Variants in SYT6 observed in about 807,000 individuals in gnomAD.
The protein encoded by SYT6 is synaptotagmin-6.
A neutral mutation model predicts 38.4 loss-of-function variants in SYT6; 24 were observed. The ratio of observed to expected loss-of-function variants is 0.62; its 90% CI spans 0.45 to 0.88. The LOEUF is 0.88. Among genes scored for constraint, SYT6 ranks in the 40% least tolerant of loss-of-function variants. The pLI is 0.00. For missense variants in SYT6, 611 were observed against 621.0 expected, an observed-to-expected ratio of 0.98 and a Z score of 0.17; for synonymous variants, 265 against 241.9, an observed-to-expected ratio of 1.10 and a Z score of -0.89.
At chr1:114,104,408 T>C (rs938768404) in intron 3 of SYT6, among the ~76,000 whole-genome samples, 3 of 152,182 alleles carry the variant, frequency 2.0e-5, no homozygotes, top group Admixed American at 6.5e-5. Flanking sequence ...CCCAGAATTG[T>C]CATGGCCAGG....
At chr1:114,134,744 C>A (rs1678376764) in intron 3 of SYT6, among the ~76,000 whole-genome samples, 1 of 152,164 alleles carries the variant, frequency 6.6e-6, no homozygotes, top group African/African-American at 2.4e-5. Context: ...CTGCCAGATT[C>A]CTGAGCTCAG....
chr1:114,121,974 T>C (rs145157554), intron 3 of SYT6, among the ~76,000 whole-genome samples: 30 of 152,242 alleles, frequency 2.0e-4, no homozygotes, highest in Non-Finnish European at 4.0e-4. Flanking sequence ...AGAGGTGAAG[T>C]GGTTTGACAG....
chr1:114,128,626 C>T (rs139426503), intron 3 of SYT6, among the ~76,000 whole-genome samples: 17 of 152,322 alleles, frequency 1.1e-4, no homozygotes, highest in African/African-American at 3.6e-4. Flanking sequence ...TGATAAGCTC[C>T]TTGATGCTGA....
rs1169118465 is a variant in SYT6 at position 114,137,700 on chromosome 1, G to T, written c.866C>A (p.Thr289Asn). The T allele has an allele frequency of 6.2e-7, 1 of 1,613,792 alleles. No individual in the cohort carries two copies. The highest frequency in any genetic ancestry group is 2.2e-5 in the East Asian group (1 of 44,900). The change falls in exon 3 of 8, where the codon ACC becomes AAC. Residue 289 changes from threonine to asparagine, a missense_variant. Physicochemically the swap from Thr to Asn is moderately conservative, Grantham distance 65 (BLOSUM62 0). Coordinates refer to ENST00000610222, the MANE Select transcript of SYT6 (RefSeq NM_001253772.2). The part of the protein sequence containing the change: ...CKLQTRVHRK[T>N]LNPTFDENFH... The stretch of plus-strand genomic sequence containing the variant: ...GTTCTCATCAAAGGTGGGGTTCAGG[G>T]TCTTGCGGTGCACCCGGGTCTGCAG...
chr1:114,108,605 C>A (rs1227976454), intron 3 of SYT6, among the ~76,000 whole-genome samples: 7 of 152,186 alleles, frequency 4.6e-5, no homozygotes, highest in Non-Finnish European at 1.0e-4. Flanking sequence ...CAGCCATCAC[C>A]AACTGAGACG....
intron 1 of SYT6, among the ~76,000 whole-genome samples, chr1:114,148,285 C>T (rs1399505215): frequency 6.6e-6 from 1 of 152,196 alleles, no homozygotes; most frequent in Non-Finnish European, 1.5e-5. Context: ...TCCCATTTTT[C>T]TAATGGGCTC....
intron 1 of SYT6, among the ~76,000 whole-genome samples, chr1:114,145,531 T>A (rs1250772460): frequency 6.7e-6 from 1 of 149,576 alleles, no homozygotes; most frequent in Non-Finnish European, 1.5e-5. Context: ...TTTTTTAACC[T>A]GTTATGAGTT....
chr1:114,101,993 G>A (rs1675994940), intron 4 of SYT6, among the ~76,000 whole-genome samples: 1 of 152,158 alleles, frequency 6.6e-6, no homozygotes, highest in African/African-American at 2.4e-5. Context: ...GGGCAATTGT[G>A]AAAGGGAGGT....
chr1:114,096,092 T>C (rs1683252), intron 6 of SYT6, among the ~76,000 whole-genome samples: 125,382 of 151,912 alleles, frequency 0.83, 52,428 homozygotes, highest in African/African-American at 0.96. Flanking sequence ...GGAAGATAAG[T>C]GGGGGAGGAG....
At chr1:114,105,641 T>C (rs555371283) in intron 3 of SYT6, among the ~76,000 whole-genome samples, 1 of 152,148 alleles carries the variant, frequency 6.6e-6, no homozygotes, top group South Asian at 2.1e-4. Flanking sequence ...TGAAGATCAC[T>C]TCCAGCTGTG....
intron 4 of SYT6, among the ~76,000 whole-genome samples, chr1:114,102,628 A>G (rs1676036624): frequency 6.6e-6 from 1 of 151,808 alleles, no homozygotes; most frequent in Non-Finnish European, 1.5e-5. Context: ...ATGAGGAAAA[A>G]TCTTTAATAT....
intron 1 of SYT6, among the ~76,000 whole-genome samples, chr1:114,150,315 C>G (rs1456286959): frequency 6.6e-6 from 1 of 152,202 alleles, no homozygotes; most frequent in East Asian, 1.9e-4. Flanking sequence ...TCTAAGGGCT[C>G]TACAACTCTT....
chr1:114,103,846 T>G, intron 3 of SYT6, 125 bp from the exon 4 acceptor site: 2 of 1,277,450 alleles, frequency 1.6e-6, no homozygotes, highest in Non-Finnish European at 1.1e-6. Flanking sequence ...TGCTGTGTTT[T>G]TAAGACTAAG....
intron 3 of SYT6, among the ~76,000 whole-genome samples, chr1:114,114,411 G>A (rs1676870195): frequency 6.6e-6 from 1 of 152,162 alleles, no homozygotes; most frequent in Admixed American, 6.5e-5. Flanking sequence ...AGCTTTGTGG[G>A]GCTCACCTGG....
Position 114,142,943 on chromosome 1 carries a change from T to C in SYT6, c.164-2980A>G, listed in dbSNP as rs188564291. Among the ~76,000 whole-genome samples the C allele has an allele frequency of 8.5e-5, 13 of 152,268 alleles. No individual in the cohort carries two copies. The East Asian group carries it at 2.5e-3, about 29-fold the overall frequency. On this transcript the variant is annotated intron_variant, in intron 1 of 7. Coordinates refer to ENST00000610222, the MANE Select transcript of SYT6 (RefSeq NM_001253772.2). ...GTATATTTTACACTGTATATGTGTA[T>C]ATATATAGGTAAATATATTACAATG...
At chr1:114,126,395 GTC>G (rs748840655) in intron 3 of SYT6, among the ~76,000 whole-genome samples, 2 of 152,296 alleles carry the variant, frequency 1.3e-5, no homozygotes, top group East Asian at 1.9e-4. Context: ...CATGACCCTA[GTC>G]TCTCTGAATT....
chr1:114,115,910 A>T (rs1676965414), intron 3 of SYT6, among the ~76,000 whole-genome samples: 1 of 152,004 alleles, frequency 6.6e-6, no homozygotes, highest in South Asian at 2.1e-4. Flanking sequence ...CTCCTCTGGG[A>T]CTGTCCATGC....
Position 114,089,436 on chromosome 1 carries a change from C to T in SYT6, c.*2698G>A, listed in dbSNP as rs371966963. 2.2e-4 allele frequency: 33 copies of T among 152,696 alleles called. No homozygotes were observed. The South Asian group carries it at 2.7e-3, about 12-fold the overall frequency. 9.5% of individuals were successfully genotyped at this position (152,696 alleles called of 1,614,324 possible). On this transcript the variant is annotated 3_prime_UTR_variant, in exon 8 of 8. Coordinates refer to ENST00000610222, the MANE Select transcript of SYT6 (RefSeq NM_001253772.2). ...GGGTAAGCGCAGAGGGGGAGGAGGG[C>T]GTCTTTCAGCCCGGAAACACTGCTA... is the stretch of plus-strand genomic sequence containing the variant.
intron 3 of SYT6, among the ~76,000 whole-genome samples, chr1:114,105,760 CT>C (rs1440503808): frequency 1.3e-5 from 2 of 152,214 alleles, no homozygotes; most frequent in East Asian, 3.9e-4. Context: ...GGACTCGTGA[CT>C]CTCGAGAGAG....
Sources: gnomAD v4.1 joint callset for allele counts (sites outside exome capture counted in the v4.1 genomes callset) on GRCh38, gnomAD v4.1.1 for gene constraint, MANE v1.5 for transcripts, NCBI Gene and HGNC (gene_info 2026-07-23, HGNC 2026-07-21) for gene names.